The following LRRC37A2 variants were observed in gnomAD, a reference collection of about 807,000 sequenced individuals.
The protein encoded by LRRC37A2 is leucine rich repeat containing 37 member A2, also known as leucine-rich repeat-containing protein 37A2.
LRRC37A2 carries 9 observed loss-of-function variants against 68.8 expected under a neutral mutation model. The ratio of observed to expected loss-of-function variants is 0.13; its 90% confidence interval spans 0.08 to 0.23. The LOEUF is 0.23. LRRC37A2 is among the 10% of genes least tolerant of loss of function. The pLI, the probability that LRRC37A2 is intolerant of heterozygous loss-of-function variation, is 1.00. For synonymous variants in LRRC37A2, 63 were observed against 367.6 expected, an observed-to-expected ratio of 0.17 and a Z score of 9.48; for missense variants, 168 against 950.4, an observed-to-expected ratio of 0.18 and a Z score of 10.82.
At chr17:47,025,188 G>A in the LRRC37A2 span, among the ~76,000 whole-genome samples, 1 of 152,160 alleles carries the variant, frequency 6.6e-6, no homozygotes, top group East Asian at 1.9e-4. Context: ...GAGATCATAT[G>A]TGGCCCACAA....
At chr17:46,949,067 A>G in the LRRC37A2 span, 1 of 152,266 alleles carries the variant, frequency 6.6e-6, no homozygotes, top group South Asian at 2.1e-4. Context: ...GCTGACGGCA[A>G]TAGCTCTCAG....
chr17:46,973,787 C>T, the LRRC37A2 span, among the ~76,000 whole-genome samples: 2 of 151,800 alleles, frequency 1.3e-5, no homozygotes, highest in African/African-American at 4.8e-5. Context: ...CCACTTAAGT[C>T]CTTTTTATTA....
chr17:46,498,797 T>C, the LRRC37A2 span, among the ~76,000 whole-genome samples: 1 of 149,258 alleles, frequency 6.7e-6, no homozygotes, highest in Non-Finnish European at 1.5e-5. Context: ...AACGGTTGTT[T>C]CTCCTCTTAA....
chr17:47,022,038 T>C, the LRRC37A2 span: 5 of 930,912 alleles, frequency 5.4e-6, no homozygotes, highest in Non-Finnish European at 8.4e-6. Context: ...ATGCCCCAAA[T>C]CAACCACTGT....
At chr17:46,851,377 G>C in the LRRC37A2 span, among the ~76,000 whole-genome samples, 2 of 151,262 alleles carry the variant, frequency 1.3e-5, no homozygotes, top group African/African-American at 4.8e-5. This position sits in a 1 kb window ranked among gnomAD's most constrained non-coding sequence, Gnocchi z 4.3. Flanking sequence ...GCGCTCACCT[G>C]GGGCCGGAGG....
chr17:46,970,488 C>T, the LRRC37A2 span, among the ~76,000 whole-genome samples: 13 of 146,270 alleles, frequency 8.9e-5, 1 homozygote, highest in South Asian at 4.3e-4. Flanking sequence ...TGCAGCAAGC[C>T]GAGATCAAGC....
At chr17:46,723,894 T>C in the LRRC37A2 span, among the ~76,000 whole-genome samples, 8 of 152,214 alleles carry the variant, frequency 5.3e-5, no homozygotes, top group Non-Finnish European at 4.4e-5. Context: ...GACATGTCAG[T>C]CCATTGCTTA....
the LRRC37A2 span, among the ~76,000 whole-genome samples, chr17:46,980,712 A>G: frequency 6.7e-6 from 1 of 148,684 alleles, no homozygotes; most frequent in South Asian, 2.2e-4. Flanking sequence ...GGGCGCCTGT[A>G]GTCCCAGCTA....
the LRRC37A2 span, among the ~76,000 whole-genome samples, chr17:46,870,917 T>C: frequency 6.7e-6 from 1 of 148,432 alleles, no homozygotes; most frequent in Non-Finnish European, 1.5e-5. Flanking sequence ...TTTTTTTTTT[T>C]TTTTTTTTTT....
chr17:46,813,149 T>A, the LRRC37A2 span, among the ~76,000 whole-genome samples: 1 of 151,826 alleles, frequency 6.6e-6, no homozygotes, highest in African/African-American at 2.4e-5. Context: ...AAGAAACGGG[T>A]GGACTGTCTA....
At chr17:46,991,110 C>G in the LRRC37A2 span, among the ~76,000 whole-genome samples, 1 of 152,142 alleles carries the variant, frequency 6.6e-6, no homozygotes, top group Non-Finnish European at 1.5e-5. Context: ...TTCTGCAAAA[C>G]TTTGATTTGA....
the LRRC37A2 span, among the ~76,000 whole-genome samples, chr17:46,787,671 C>T: frequency 1.1e-4 from 17 of 152,130 alleles, no homozygotes; most frequent in African/African-American, 2.9e-4. Context: ...GATGTAGCCT[C>T]GGCCGGGCGC....
the LRRC37A2 span, among the ~76,000 whole-genome samples, chr17:46,836,988 G>A: frequency 2.6e-5 from 4 of 152,008 alleles, no homozygotes; most frequent in Non-Finnish European, 4.4e-5. Flanking sequence ...TGTCGCCCAG[G>A]CTGTAGTGCA....
chr17:46,869,642 T>C, the LRRC37A2 span, among the ~76,000 whole-genome samples: 1 of 152,232 alleles, frequency 6.6e-6, no homozygotes, highest in Non-Finnish European at 1.5e-5. Context: ...TCAAGGATGA[T>C]GCATTTAGTT....
In LRRC37A2 at chr17:46,545,910, G is replaced by C. The variant is rs1022976902; in HGVS notation, c.3054-345G>C. 2.4e-3 allele frequency among the ~76,000 whole-genome samples: 358 copies of C among 149,646 alleles called. 8 individuals carry two copies. Among genetic ancestry groups the C allele is most frequent in the African/African-American group, 8.8e-3 (349 of 39,532 alleles). On this transcript the variant is annotated intron_variant, in intron 8 of 14. Transcript: ENST00000576629. ...TTGAGAAAGGGACTCCAGAAGTTGG[G>C]GGCTTATTCAGACTTCTTAAAAGTC...
the LRRC37A2 span, among the ~76,000 whole-genome samples, chr17:46,979,746 G>C: frequency 6.6e-6 from 1 of 151,152 alleles, no homozygotes; most frequent in African/African-American, 2.4e-5. Context: ...CTCTCAACTT[G>C]GTCCCATTTA....
At chr17:46,826,101 T>TG in the LRRC37A2 span, among the ~76,000 whole-genome samples, 8 of 152,298 alleles carry the variant, frequency 5.3e-5, no homozygotes, top group African/African-American at 1.9e-4. Flanking sequence ...AAGACTTTTG[T>TG]GGGGGCACAT....
chr17:47,021,698 G>T, the LRRC37A2 span: 1 of 731,150 alleles, frequency 1.4e-6, no homozygotes, highest in African/African-American at 2.2e-5. Flanking sequence ...TTGATGAATT[G>T]TGCAAACTGG....
chr17:46,707,922 A>C, the LRRC37A2 span, among the ~76,000 whole-genome samples: 1 of 151,624 alleles, frequency 6.6e-6, no homozygotes. Flanking sequence ...AATCCCAGCT[A>C]CTCGGGAGGC....
Sources: gnomAD v4.1 joint callset for allele counts (sites outside exome capture counted in the v4.1 genomes callset) on GRCh38, gnomAD v4.1.1 for gene constraint, Gnocchi (gnomAD v3.1) non-coding constraint, MANE v1.5 for transcripts, NCBI Gene and HGNC (gene_info 2026-07-23, HGNC 2026-07-21) for gene names.